KCNJ13: variants seen among roughly 807,000 people sequenced by gnomAD.
KCNJ13 encodes inward rectifier potassium channel 13.
A neutral mutation model predicts 24.6 loss-of-function variants in KCNJ13; 9 were observed. The observed-to-expected ratio is 0.37, with a 90% CI of 0.22 to 0.64. The LOEUF is 0.64. KCNJ13 is among the 30% of genes least tolerant of loss of function. The pLI is 0.64. For missense variants in KCNJ13, 337 were observed against 443.8 expected (o/e 0.76, Z 2.16); for synonymous variants, 148 against 154.7 (o/e 0.96, Z 0.32).
At chr2:232,768,905 A>G in intron 2 of KCNJ13, 92 bp from the exon 3 acceptor site, 1 of 1,142,530 alleles carries the variant, frequency 8.8e-7, no homozygotes, top group Non-Finnish European at 1.2e-6. Flanking sequence ...ATATTTACAC[A>G]TTTCTTGGTG....
intron 2 of KCNJ13, 68 bp downstream of exon 2, chr2:232,770,835 C>A: frequency 9.0e-7 from 1 of 1,113,008 alleles, no homozygotes; most frequent in South Asian, 1.3e-5. Flanking sequence ...ATACCCTTTC[C>A]AAACACCTGT....
intron 1 of KCNJ13, among the ~76,000 whole-genome samples, chr2:232,775,919 C>T (rs911199007): frequency 6.6e-6 from 1 of 152,108 alleles, no homozygotes; most frequent in African/African-American, 2.4e-5. Context: ...GAGTTCTAAC[C>T]CTGTTATATA....
rs1345387152 is a variant in KCNJ13, at chr2:232,771,257, T to C, written c.106A>G (p.Arg36Gly). 1 of 1,608,852 alleles carries C rather than the reference T, an allele frequency of 6.2e-7. No homozygotes were observed. The highest frequency in any genetic ancestry group is 1.7e-5 in the Admixed American group (1 of 59,800). ...HSTLQMDGAQ[R>G]GLAYLRDAWG... is the part of the protein sequence containing the mutation. Reference sequence around the variant, plus strand: ...GCATCTCGAAGATATGCAAGACCTCTTTGAGCGCCATCCATTTGAAGTGTG... The same window carrying C: ...GCATCTCGAAGATATGCAAGACCTCCTTGAGCGCCATCCATTTGAAGTGTG... The change falls in exon 2 of 3, where the codon AGA (arginine) becomes GGA (glycine). Residue 36 changes from arginine to glycine, a missense_variant. Transcript: ENST00000233826.
In KCNJ13 at chr2:232,768,105, G is replaced by GA. The variant is rs1559415350; in HGVS notation, c.*85dup. Reference sequence around the variant, plus strand: ...GATGTAGAGAGCTATAATTAGCATTGAAAAAAGAAAACATGAGATACAGTA... The same window carrying GA: ...GATGTAGAGAGCTATAATTAGCATTGAAAAAAAGAAAACATGAGATACAGTA... On this transcript the variant is annotated 3_prime_UTR_variant, in exon 3 of 3. Coordinates refer to ENST00000233826, the MANE Select transcript of KCNJ13 (RefSeq NM_002242.4). 7.2e-7 allele frequency: 1 copy of GA among 1,379,386 alleles called. No individual in the cohort carries two copies. The highest frequency in any genetic ancestry group is 1.7e-5 in the Admixed American group (1 of 58,728). 85.4% of individuals were successfully genotyped at this position (1,379,386 alleles called of 1,614,324 possible).
chr2:232,767,691 G>A lies in KCNJ13; in HGVS notation c.*500C>T. 1 of 163,302 alleles carries A rather than the reference G, an allele frequency of 6.1e-6. No individual in the cohort carries two copies. The highest frequency in any genetic ancestry group is 1.3e-5 in the Non-Finnish European group (1 of 74,362). The allele number at this position is 163,302 out of a possible 1,614,324, so 10.1% of individuals were successfully genotyped here. A position where few individuals can be genotyped will look rare whatever the true frequency, so the allele number is the denominator to read the frequency against. On this transcript the variant is annotated 3_prime_UTR_variant, in exon 3 of 3. Coordinates refer to ENST00000233826, the MANE Select transcript of KCNJ13 (RefSeq NM_002242.4). ...AGGTAATACTTACTCAAGTTTCATA[G>A]TATAAAGAACCAAATGAATGATCTT...
chr2:232,773,910 TAA>T (rs61323973), intron 1 of KCNJ13, among the ~76,000 whole-genome samples: 12,664 of 112,544 alleles, frequency 0.11, 850 homozygotes, highest in East Asian at 0.21. Flanking sequence ...TGTCTCTATT[TAA>T]AAAAAAAAAA....
rs746208996 is a variant in KCNJ13, at chr2:232,768,298, G to A, written c.976C>T (p.Pro326Ser). The change falls in exon 3 of 3, where the codon CCA becomes TCA. Residue 326 changes from proline (P) to serine (S), a missense_variant. Pro to Ser is a moderately conservative substitution (Grantham distance 74). Around this residue, in one of 3 missense-constraint regions of KCNJ13, gnomAD observed 235 missense variants for 286.9 expected, o/e 0.82. Transcript: ENST00000233826. ...ENFDKTVPEF[P>S]TPLVSKSPNR... ...GGGCTTTTAGAAACCAGAGGAGTTG[G>A]AAATTCAGGGACAGTCTTGTCAAAA... The A allele has an allele frequency of 1.2e-6, 2 of 1,614,142 alleles. No homozygotes were observed. Among genetic ancestry groups the A allele is most frequent in the Admixed American group, 1.7e-5 (1 of 60,020 alleles).
intron 2 of KCNJ13, 51 bp from the exon 3 acceptor site, chr2:232,768,864 A>G (rs373674195): frequency 3.3e-5 from 48 of 1,473,086 alleles, no homozygotes; most frequent in Non-Finnish European, 4.1e-5. Context: ...TTAAATATCA[A>G]TACTTTTTCT....
intron 1 of KCNJ13, among the ~76,000 whole-genome samples, chr2:232,772,220 A>G (rs932412456): frequency 6.6e-6 from 1 of 152,114 alleles, no homozygotes; most frequent in African/African-American, 2.4e-5. Flanking sequence ...GGTCTTATTT[A>G]GAGTTTTATG....
At chr2:232,773,990 G>A (rs375889382) in intron 1 of KCNJ13, among the ~76,000 whole-genome samples, 38 of 148,102 alleles carry the variant, frequency 2.6e-4, no homozygotes, top group Non-Finnish European at 4.2e-4. Context: ...TACAGATAAC[G>A]AAAGTGAGGA....
intron 2 of KCNJ13, among the ~76,000 whole-genome samples, chr2:232,769,651 T>A (rs1429112457): frequency 6.6e-6 from 1 of 152,162 alleles, no homozygotes. Context: ...AGGTCTATCT[T>A]CCTTGTGCCC....
At chr2:232,775,004 AC>A (rs1433776122) in intron 1 of KCNJ13, among the ~76,000 whole-genome samples, 1 of 151,940 alleles carries the variant, frequency 6.6e-6, no homozygotes, top group African/African-American at 2.4e-5. Context: ...GCAACTAAAT[AC>A]ATGGAAAAAC....
chr2:232,769,418 C>G (rs1161915355), intron 2 of KCNJ13, among the ~76,000 whole-genome samples: 1 of 149,166 alleles, frequency 6.7e-6, no homozygotes, highest in African/African-American at 2.5e-5. Context: ...GTAATCCCAG[C>G]TACTCAGGAG....
intron 2 of KCNJ13, among the ~76,000 whole-genome samples, chr2:232,769,505 C>CA (rs34912964): frequency 0.26 from 16,959 of 65,874 alleles, 1,829 homozygotes; most frequent in Middle Eastern, 0.34. Flanking sequence ...GACTCCATCT[C>CA]AAAAAAAAAA....
In KCNJ13 at chr2:232,768,058, T is replaced by C; in HGVS notation, c.*133A>G. On this transcript the variant is annotated 3_prime_UTR_variant, in exon 3 of 3. Transcript: ENST00000233826. Reference sequence around the variant, plus strand: ...TATTGTTAGCTCAGCCATTCTTATGTAGGCATAGGCATGATTACCGTGATG... The same window carrying C: ...TATTGTTAGCTCAGCCATTCTTATGCAGGCATAGGCATGATTACCGTGATG... The C allele has an allele frequency of 1.2e-6, 1 of 822,674 alleles. No individual in the cohort carries two copies. The highest frequency in any genetic ancestry group is 1.6e-5 in the South Asian group (1 of 63,054). The allele number at this position is 822,674 out of a possible 1,614,324, so 51.0% of individuals were successfully genotyped here.
intron 1 of KCNJ13, among the ~76,000 whole-genome samples, chr2:232,772,877 C>T (rs946669405): frequency 2.6e-5 from 4 of 152,114 alleles, no homozygotes; most frequent in South Asian, 2.1e-4. Context: ...TCCTATATCT[C>T]GGGACTTTGA....
Position 232,768,574 on chromosome 2 carries a change from A to G in KCNJ13, c.700T>C (p.Cys234Arg). 1 of 1,614,200 alleles carries G rather than the reference A, an allele frequency of 6.2e-7. No individual in the cohort carries two copies. The highest frequency in any genetic ancestry group is 8.5e-7 in the Non-Finnish European group (1 of 1,180,030). ...GTTAGTGGAAAGATGAAGAATGGAC[A>G]TTCGTCAGAACTGATGCCATCAAGG... ...FHLDGISSDE[C>R]PFFIFPLTYY... The change falls in exon 3 of 3, where the codon TGT (cysteine) becomes CGT (arginine). Residue 234 changes from cysteine (C) to arginine (R), a missense_variant. Around this residue, in one of 3 missense-constraint regions of KCNJ13, gnomAD observed 235 missense variants for 286.9 expected, o/e 0.82. Transcript: ENST00000233826.
chr2:232,776,408 TA>T, intron 1 of KCNJ13, 36 bp downstream of exon 1: 2 of 1,566,728 alleles, frequency 1.3e-6, no homozygotes, highest in Non-Finnish European at 1.8e-6. Flanking sequence ...CTGTTTCCCA[TA>T]AGGAAAGAAG....
chr2:232,774,558 T>G (rs1699430289), intron 1 of KCNJ13, among the ~76,000 whole-genome samples: 1 of 152,200 alleles, frequency 6.6e-6, no homozygotes, highest in Admixed American at 6.5e-5. Context: ...TAAATAAAAT[T>G]ATGATGACAT....
Sources: gnomAD v4.1 joint callset for allele counts (sites outside exome capture counted in the v4.1 genomes callset) on GRCh38, gnomAD v4.1.1 for gene constraint, gnomAD v4.1.1 regional missense constraint, MANE v1.5 for transcripts, NCBI Gene and HGNC (gene_info 2026-07-23, HGNC 2026-07-21) for gene names.